SAE1: variants seen among roughly 807,000 people sequenced by gnomAD.
The protein encoded by SAE1 is SUMO1 activating enzyme subunit 1.
A neutral mutation model predicts 40.6 loss-of-function variants in SAE1; 11 were observed. That is an observed-to-expected ratio of 0.27 (90% CI 0.17 to 0.45). SAE1 has a LOEUF of 0.45. SAE1 is among the 20% of genes least tolerant of loss of function. The probability of loss-of-function intolerance (pLI) is 1.00; values close to 1 mark genes in which losing one functional copy is unlikely to be tolerated. For missense variants in SAE1, 373 were observed against 427.3 expected, an observed-to-expected ratio of 0.87 and a Z score of 1.12; for synonymous variants, 155 against 154.3, an observed-to-expected ratio of 1.00 and a Z score of -0.03.
At chr19:47,142,384 T>TA (rs371221556) in intron 1 of SAE1, 1,766 of 140,440 alleles carry the variant, frequency 0.013, 19 homozygotes, top group African/African-American at 0.033. Flanking sequence ...ACTCTGTCTT[T>TA]AAAAAAAAAA....
At position 47,143,479 on chromosome 19, in the gene SAE1, A is replaced by G. The variant is rs755262334; in HGVS notation, c.99-15A>G. ...ACTGTTCTGTATCATCAGGTTAACA[A>G]TGTTTGTCTTACAGGCTGCGGGCCT... On this transcript the variant is annotated splice_polypyrimidine_tract_variant and intron_variant, in intron 1 of 8. Transcript: ENST00000270225. The G allele has an allele frequency of 1.7e-5, 27 of 1,595,828 alleles. No homozygotes were observed. Among genetic ancestry groups the G allele is most frequent in the Non-Finnish European group, 2.1e-5 (25 of 1,163,428 alleles).
intron 6 of SAE1, among the ~76,000 whole-genome samples, chr19:47,186,347 A>G (rs372004271): frequency 1.3e-5 from 2 of 152,204 alleles, no homozygotes; most frequent in African/African-American, 4.8e-5. Context: ...ATATTTCAAA[A>G]TCTGAAAATA....
At chr19:47,138,027 C>A (rs2058193051) in intron 1 of SAE1, among the ~76,000 whole-genome samples, 1 of 151,314 alleles carries the variant, frequency 6.6e-6, no homozygotes, top group Non-Finnish European at 1.5e-5. Flanking sequence ...CTACACCCGG[C>A]CTATGTGTGT....
At chr19:47,168,101 G>C (rs756855510) in intron 5 of SAE1, among the ~76,000 whole-genome samples, 1 of 152,104 alleles carries the variant, frequency 6.6e-6, no homozygotes, top group South Asian at 2.1e-4. Context: ...GCTGAGGCAC[G>C]AGAATTGCTT....
intron 6 of SAE1, among the ~76,000 whole-genome samples, chr19:47,179,903 A>T (rs1015097603): frequency 2.0e-4 from 30 of 151,542 alleles, no homozygotes; most frequent in Admixed American, 6.6e-5. Context: ...TTCTGAAACT[A>T]CTTACTGTTC....
chr19:47,191,553 C>T (rs747893176), intron 6 of SAE1, among the ~76,000 whole-genome samples: 1 of 152,312 alleles, frequency 6.6e-6, no homozygotes, highest in Middle Eastern at 3.4e-3. Context: ...TGAGGCCTTG[C>T]AGCAGTCACG....
intron 5 of SAE1, among the ~76,000 whole-genome samples, chr19:47,162,598 C>G (rs563248406): frequency 3.9e-5 from 6 of 152,132 alleles, no homozygotes; most frequent in Non-Finnish European, 7.3e-5. Flanking sequence ...CTACCCTCCC[C>G]ACCCCCTACC....
At chr19:47,139,454 G>A (rs887967772) in intron 1 of SAE1, among the ~76,000 whole-genome samples, 1 of 152,130 alleles carries the variant, frequency 6.6e-6, no homozygotes, top group African/African-American at 2.4e-5. Flanking sequence ...CTAAAGTGCT[G>A]GGATTACAGG....
chr19:47,201,864 C>T (rs1018917899), intron 7 of SAE1, among the ~76,000 whole-genome samples: 2 of 152,110 alleles, frequency 1.3e-5, no homozygotes, highest in African/African-American at 4.8e-5. Context: ...AACTCCTGAC[C>T]TCAAATGATC....
chr19:47,150,081 A>G, intron 2 of SAE1, 121 bp from the exon 3 acceptor site: 1 of 705,880 alleles, frequency 1.4e-6, no homozygotes, highest in South Asian at 2.6e-5. Flanking sequence ...TCTCAAAAAA[A>G]AAAAAAAAAA....
chr19:47,208,650 C>G (rs1212089886), intron 8 of SAE1, among the ~76,000 whole-genome samples: 2 of 152,174 alleles, frequency 1.3e-5, no homozygotes, highest in East Asian at 3.9e-4. Context: ...GTCTCCAACT[C>G]CCAACCTCAG....
intron 2 of SAE1, among the ~76,000 whole-genome samples, chr19:47,147,404 A>C (rs1289063310): frequency 1.3e-5 from 2 of 149,712 alleles, no homozygotes; most frequent in East Asian, 3.9e-4. Context: ...ACTGGGTTTC[A>C]TGATTGTTGC....
chr19:47,155,428 GA>G (rs1484223369), intron 5 of SAE1, among the ~76,000 whole-genome samples: 2 of 152,074 alleles, frequency 1.3e-5, no homozygotes, highest in African/African-American at 4.8e-5. Flanking sequence ...AAGACAATGA[GA>G]AATGCAAACT....
At chr19:47,144,660 CT>C (rs1467533426) in intron 2 of SAE1, among the ~76,000 whole-genome samples, 4 of 152,104 alleles carry the variant, frequency 2.6e-5, no homozygotes, top group African/African-American at 9.7e-5. Context: ...GATCATGCCA[CT>C]GCACTCCAGC....
rs887703663 is a variant in SAE1, at chr19:47,132,552, C to T, written c.98+1524C>T. Reference sequence around the variant, plus strand: ...TCAGACTCCTAAAATGCTGGGATTACAGGCATGAGCTACCATGCCTGGCCT... The same window carrying T: ...TCAGACTCCTAAAATGCTGGGATTATAGGCATGAGCTACCATGCCTGGCCT... On this transcript the variant is annotated intron_variant, in intron 1 of 8. Transcript: ENST00000270225. Among the ~76,000 whole-genome samples the T allele has an allele frequency of 5.9e-5, 9 of 151,388 alleles. No homozygotes were observed. In the East Asian group the frequency reaches 9.7e-4, roughly 16 times the overall value.
chr19:47,148,640 A>G, intron 2 of SAE1, among the ~76,000 whole-genome samples: 1 of 147,372 alleles, frequency 6.8e-6, no homozygotes, highest in Admixed American at 6.8e-5. Flanking sequence ...TTTGAGACAG[A>G]GTCTCACTCT....
At chr19:47,178,724 C>T (rs951633071) in intron 6 of SAE1, among the ~76,000 whole-genome samples, 3 of 152,206 alleles carry the variant, frequency 2.0e-5, no homozygotes, top group African/African-American at 7.2e-5. Context: ...CCATGCACCT[C>T]GGCCTTCCAG....
At chr19:47,143,833 C>A (rs2058238119) in intron 2 of SAE1, among the ~76,000 whole-genome samples, 1 of 152,148 alleles carries the variant, frequency 6.6e-6, no homozygotes. Context: ...ATTGAGCTTG[C>A]CTGCCTGTAA....
At chr19:47,146,698 C>T (rs2123199890) in intron 2 of SAE1, among the ~76,000 whole-genome samples, 1 of 152,258 alleles carries the variant, frequency 6.6e-6, no homozygotes, top group East Asian at 1.9e-4. Flanking sequence ...TCCAAGGCCC[C>T]AGTAGTTAGT....
Sources: allele counts gnomAD v4.1 joint callset (sites outside exome capture counted in the v4.1 genomes callset), GRCh38; gene constraint gnomAD v4.1.1; transcripts MANE v1.5; gene names NCBI Gene and HGNC (gene_info 2026-07-23, HGNC 2026-07-21).